The following NEK6 variants were observed in gnomAD, a reference collection of about 807,000 sequenced individuals.
The protein encoded by NEK6 is NIMA related kinase 6.
A neutral mutation model predicts 43.5 loss-of-function variants in NEK6; 27 were observed. The ratio of observed to expected loss-of-function variants is 0.62; its 90% CI spans 0.46 to 0.86. The LOEUF is 0.86. Ranked by LOEUF, NEK6 falls within the 40% of genes least tolerant of loss-of-function variation. NEK6 has a pLI of 0.00. For missense variants in NEK6, 318 were observed against 414.4 expected (o/e 0.77, Z 2.02); for synonymous variants, 167 against 164.1 (o/e 1.02, Z -0.14).
chr9:124,276,554 A>C (rs1049790957), intron 1 of NEK6, among the ~76,000 whole-genome samples: 2 of 152,232 alleles, frequency 1.3e-5, no homozygotes, highest in African/African-American at 4.8e-5. Flanking sequence ...TCAGGACGAC[A>C]GTGGCTGGAA....
In NEK6 at chr9:124,302,053, A is replaced by T. The variant is rs1384634882; in HGVS notation, c.89A>T (p.Gln30Leu). 6.3e-7 allele frequency: 1 copy of T among 1,597,844 alleles called. No homozygotes were observed. The highest frequency in any genetic ancestry group is 8.5e-7 in the Non-Finnish European group (1 of 1,171,006). ...GGGCCTGTGCATCCTCCTGACCCAC[A>T]GGTAAGCCCCTTACCTTTGTCTGCA... is the stretch of plus-strand genomic sequence containing the variant. ...TLGPVHPPDPQRHPNTLSFRC... is the reference protein window; with the variant it reads ...TLGPVHPPDPLRHPNTLSFRC... Residue 30 changes from glutamine (Q) to leucine (L), a missense_variant and splice_region_variant, in exon 2 of 10, where the codon CAG becomes CTG. Transcript: ENST00000320246.
chr9:124,303,054 G>C (rs1018210035), intron 2 of NEK6, among the ~76,000 whole-genome samples: 2 of 152,214 alleles, frequency 1.3e-5, no homozygotes, highest in African/African-American at 4.8e-5. Context: ...GAAGAACCTT[G>C]CGGGCCTAGG....
chr9:124,265,740 AAC>A (rs1169454755), intron 1 of NEK6: 3 of 152,328 alleles, frequency 2.0e-5, no homozygotes, highest in Admixed American at 6.5e-5. Context: ...TTGATGCAAA[AAC>A]ACAGACCGTC....
intron 1 of NEK6, chr9:124,292,160 G>A: frequency 1.6e-6 from 2 of 1,240,320 alleles, no homozygotes; most frequent in Non-Finnish European, 2.0e-6. Flanking sequence ...GAGGGATGGG[G>A]AACCAGGCCC....
chr9:124,292,494 A>C (rs1031931755), intron 1 of NEK6: 1 of 1,537,024 alleles, frequency 6.5e-7, no homozygotes. Context: ...CTTTCCCTGC[A>C]TGGAGGCCAC....
At chr9:124,268,735 G>A (rs554176244) in intron 1 of NEK6, among the ~76,000 whole-genome samples, 86 of 152,294 alleles carry the variant, frequency 5.6e-4, no homozygotes, top group Non-Finnish European at 9.3e-4. Flanking sequence ...TCAGTTCAGC[G>A]TCTTGCCACC....
intron 1 of NEK6, among the ~76,000 whole-genome samples, chr9:124,286,143 G>A (rs1365452335): frequency 6.6e-6 from 1 of 152,112 alleles, no homozygotes; most frequent in East Asian, 1.9e-4. Flanking sequence ...TGACCCTTCA[G>A]CCCACAAGAA....
intron 2 of NEK6, among the ~76,000 whole-genome samples, chr9:124,310,363 G>A (rs76781256): frequency 6.6e-6 from 1 of 152,214 alleles, no homozygotes; most frequent in African/African-American, 2.4e-5. Flanking sequence ...TCTGTGTACA[G>A]GTGTATTTAC....
At position 124,261,616 on chromosome 9, in the gene NEK6, C is replaced by T. The variant is rs924322337; in HGVS notation, c.-30+3531C>T. 9.2e-6 allele frequency: 9 copies of T among 982,346 alleles called. No individual in the cohort carries two copies. In the African/African-American group the frequency reaches 1.6e-4, roughly 17 times the overall value. The allele number at this position is 982,346 out of a possible 1,614,324, so 60.9% of individuals were successfully genotyped here. ...TCTTGTCACTTGTCATTTAAGTCCC[C>T]TGCCTGCCTTTTTTCCCTGCTCATT... On this transcript the variant is annotated intron_variant, in intron 1 of 9. Coordinates refer to ENST00000320246, the MANE Select transcript of NEK6 (RefSeq NM_014397.6).
chr9:124,309,932 A>T (rs988440441), intron 2 of NEK6, among the ~76,000 whole-genome samples: 1 of 152,164 alleles, frequency 6.6e-6, no homozygotes, highest in Non-Finnish European at 1.5e-5. Flanking sequence ...CGTGGAGGGG[A>T]CTAGACAGGG....
At position 124,258,083 on chromosome 9, in the gene NEK6, C is replaced by T. The variant is rs1459133686; in HGVS notation, c.-32C>T. ...AGCGGCAGCCGAGCCCGCCCGCGCG[C>T]CGGTGAGTCGCCTGGGGCTGGGGCC... On this transcript the variant is annotated splice_region_variant and 5_prime_UTR_variant, in exon 1 of 10. Coordinates refer to ENST00000320246, the MANE Select transcript of NEK6 (RefSeq NM_014397.6). 4.1e-6 allele frequency: 4 copies of T among 979,236 alleles called. No homozygotes were observed. The African/African-American group carries it at 7.1e-5, about 17-fold the overall frequency. 60.7% of individuals were successfully genotyped at this position (979,236 alleles called of 1,614,324 possible).
intron 7 of NEK6, among the ~76,000 whole-genome samples, chr9:124,327,833 T>G (rs1828738861): frequency 6.6e-6 from 1 of 152,202 alleles, no homozygotes; most frequent in African/African-American, 2.4e-5. Flanking sequence ...TTTCTGGCTT[T>G]TAAACTGGCG....
intron 7 of NEK6, among the ~76,000 whole-genome samples, chr9:124,328,908 C>T (rs1034761524): frequency 6.6e-6 from 1 of 152,060 alleles, no homozygotes; most frequent in East Asian, 1.9e-4. Flanking sequence ...GGACCCACCC[C>T]CCAGGGAGTA....
At chr9:124,258,601 T>G (rs1487176078) in intron 1 of NEK6, among the ~76,000 whole-genome samples, 1 of 152,120 alleles carries the variant, frequency 6.6e-6, no homozygotes, top group Non-Finnish European at 1.5e-5. Flanking sequence ...CGAGCGTGTT[T>G]ATTACTGAGG....
chr9:124,325,462 G>A (rs1345468283), intron 5 of NEK6, among the ~76,000 whole-genome samples: 2 of 152,236 alleles, frequency 1.3e-5, no homozygotes, highest in South Asian at 2.1e-4. Flanking sequence ...GGCCCACAGC[G>A]CCGCCTCTGC....
chr9:124,328,704 G>A (rs1047997889), intron 7 of NEK6, among the ~76,000 whole-genome samples: 3 of 152,226 alleles, frequency 2.0e-5, no homozygotes, highest in African/African-American at 7.2e-5. Context: ...AAGTGTCACT[G>A]TTCATACAGG....
chr9:124,294,922 C>A (rs1223477300), intron 1 of NEK6, among the ~76,000 whole-genome samples: 1 of 152,104 alleles, frequency 6.6e-6, no homozygotes, highest in Non-Finnish European at 1.5e-5. Context: ...AGAGTGGAGG[C>A]CCTGGGGTGA....
intron 2 of NEK6, among the ~76,000 whole-genome samples, chr9:124,307,919 G>A (rs1833338799): frequency 6.6e-6 from 1 of 152,190 alleles, no homozygotes; most frequent in South Asian, 2.1e-4. Context: ...CCCTGGGCTT[G>A]TCCACTGCTC....
intron 2 of NEK6, among the ~76,000 whole-genome samples, chr9:124,311,448 G>A (rs1317801914): frequency 1.3e-5 from 2 of 152,140 alleles, no homozygotes; most frequent in African/African-American, 4.8e-5. Context: ...CCCCTTGTCT[G>A]TCTCCTCCTT....
Sources: allele counts gnomAD v4.1 joint callset (sites outside exome capture counted in the v4.1 genomes callset), GRCh38; gene constraint gnomAD v4.1.1; transcripts MANE v1.5; gene names NCBI Gene and HGNC (gene_info 2026-07-23, HGNC 2026-07-21).